TRIO: variants seen among roughly 807,000 people sequenced by gnomAD.
TRIO encodes triple functional domain protein.
In TRIO, 58 loss-of-function variants were observed where a neutral mutation model predicts 351.9. That is an observed-to-expected ratio of 0.16 (90% CI 0.13 to 0.21). The LOEUF (loss-of-function observed/expected upper bound fraction) is 0.21. Among genes scored for constraint, TRIO ranks in the 10% least tolerant of loss-of-function variants. The probability of loss-of-function intolerance (pLI) is 1.00; values close to 1 mark genes in which losing one functional copy is unlikely to be tolerated. For synonymous variants in TRIO, 1,758 were observed against 1,595.7 expected (o/e 1.10, Z -2.42); for missense variants, 3,201 against 4,027.8 (o/e 0.79, Z 5.56).
intron 6 of TRIO, among the ~76,000 whole-genome samples, chr5:14,294,514 A>G (rs1737179083): frequency 6.6e-6 from 1 of 152,180 alleles, no homozygotes; most frequent in South Asian, 2.1e-4. Context: ...TACTTTAAAA[A>G]CTAGAAATAC....
chr5:14,476,285 T>C (rs1755069023), intron 40 of TRIO, among the ~76,000 whole-genome samples: 1 of 152,242 alleles, frequency 6.6e-6, no homozygotes, highest in South Asian at 2.1e-4. Flanking sequence ...TTAGCACTTG[T>C]GTCCTTGAAC....
intron 1 of TRIO, among the ~76,000 whole-genome samples, chr5:14,217,450 C>T (rs1052741394): frequency 6.6e-6 from 1 of 152,128 alleles, no homozygotes; most frequent in South Asian, 2.1e-4. Context: ...TTTCTTCTCC[C>T]TCGTGCTGTC....
At chr5:14,311,825 A>G (rs2152302125) in intron 8 of TRIO, among the ~76,000 whole-genome samples, 1 of 152,306 alleles carries the variant, frequency 6.6e-6, no homozygotes, top group South Asian at 2.1e-4. Context: ...AGTGCAATTC[A>G]TTTCATAAAA....
At chr5:14,251,069 G>A (rs1295329196) in intron 1 of TRIO, among the ~76,000 whole-genome samples, 3 of 152,126 alleles carry the variant, frequency 2.0e-5, no homozygotes, top group Non-Finnish European at 4.4e-5. Flanking sequence ...ATTTGGGGTA[G>A]GGGGTGTGAG....
At chr5:14,420,251 G>A (rs1437035667) in intron 34 of TRIO, 2 of 597,374 alleles carry the variant, frequency 3.3e-6, no homozygotes, top group Non-Finnish European at 5.7e-6. Flanking sequence ...TTCCAGGGCG[G>A]TGTAGTGAGA....
chr5:14,433,308 C>A (rs1235655160), intron 34 of TRIO, among the ~76,000 whole-genome samples: 1 of 152,216 alleles, frequency 6.6e-6, no homozygotes, highest in African/African-American at 2.4e-5. Flanking sequence ...TGCTAGAAAG[C>A]AGCAGGAACT....
At chr5:14,188,557 T>G (rs1302613994) in intron 1 of TRIO, among the ~76,000 whole-genome samples, 3 of 152,250 alleles carry the variant, frequency 2.0e-5, no homozygotes, top group Non-Finnish European at 4.4e-5. Flanking sequence ...CAATGCCTTA[T>G]ACATACTAAA....
At chr5:14,437,194 A>AT (rs1431595389) in intron 34 of TRIO, among the ~76,000 whole-genome samples, 7 of 152,006 alleles carry the variant, frequency 4.6e-5, no homozygotes, top group East Asian at 1.9e-4. Context: ...TGGATATTGA[A>AT]TTTTTTACTA....
intron 1 of TRIO, among the ~76,000 whole-genome samples, chr5:14,210,885 C>A (rs1014720866): frequency 6.6e-6 from 1 of 151,966 alleles, no homozygotes; most frequent in African/African-American, 2.4e-5. Context: ...CTTGTCCTAC[C>A]CTCCACTCCC....
rs55841211 is a variant in TRIO, at chr5:14,479,320, T to C, written c.6213T>C (p.Ile2071=). 1.9e-6 allele frequency: 3 copies of C among 1,613,692 alleles called. No individual in the cohort carries two copies. The highest frequency in any genetic ancestry group is 1.7e-6 in the Non-Finnish European group (2 of 1,179,862). Residue 2071 remains isoleucine (I), a synonymous_variant, in exon 42 of 57, where the codon ATT becomes ATC. Coordinates refer to ENST00000344204, the MANE Select transcript of TRIO (RefSeq NM_007118.4). ...AAAATAAACCAAAGTCTGAGCACAT[T>C]GTCTCAGAATACATTGATACCTTTT... is the stretch of plus-strand genomic sequence containing the variant. ...YCQNKPKSEH[I]VSEYIDTFFE... is the part of the protein sequence containing the mutation.
At chr5:14,244,970 GA>G (rs1486842658) in intron 1 of TRIO, among the ~76,000 whole-genome samples, 3 of 152,176 alleles carry the variant, frequency 2.0e-5, no homozygotes. Context: ...GGCCCAGGGG[GA>G]TGCAGCTCCG....
intron 30 of TRIO, among the ~76,000 whole-genome samples, chr5:14,400,230 C>T (rs899231928): frequency 6.6e-6 from 1 of 152,204 alleles, no homozygotes; most frequent in African/African-American, 2.4e-5. Flanking sequence ...TGGCTTTAAT[C>T]TCTCTTTAGA....
chr5:14,455,913 A>G lies in TRIO; in HGVS notation c.5204-5106A>G, dbSNP rs748495099. On this transcript the variant is annotated intron_variant, in intron 34 of 56. Coordinates refer to ENST00000344204, the MANE Select transcript of TRIO (RefSeq NM_007118.4). Reference sequence around the variant, plus strand: ...CACCTGCACTCCTCAGCCCTTGGGCAGTCGATGGGACCGGGCGCTGCGGAG... The same window carrying G: ...CACCTGCACTCCTCAGCCCTTGGGCGGTCGATGGGACCGGGCGCTGCGGAG... 1.8e-3 allele frequency among the ~76,000 whole-genome samples: 274 copies of G among 152,382 alleles called. 1 individual carries two copies. The highest frequency in any genetic ancestry group is 3.4e-3 in the Middle Eastern group (1 of 294).
rs1561315243 is a variant in TRIO at position 14,304,442 on chromosome 5, C to T, written c.1369-19C>T. ...ATAAATTGTCATTGATAGAAATAATCTTTTTTTAACCTTCCAAGTATATGA... is the reference window on the plus strand; with the variant it reads ...ATAAATTGTCATTGATAGAAATAATTTTTTTTTAACCTTCCAAGTATATGA... On this transcript the variant is annotated intron_variant, in intron 7 of 56. Transcript: ENST00000344204. 2 of 1,589,756 alleles carry T rather than the reference C, an allele frequency of 1.3e-6. No individual in the cohort carries two copies. Among genetic ancestry groups the T allele is most frequent in the Non-Finnish European group, 1.7e-6 (2 of 1,173,430 alleles).
chr5:14,365,163 T>G (rs1744487759), intron 15 of TRIO, among the ~76,000 whole-genome samples: 1 of 152,208 alleles, frequency 6.6e-6, no homozygotes, highest in African/African-American at 2.4e-5. Flanking sequence ...TGCCCAGTAC[T>G]GTTAGGATCT....
rs1446247668 is a variant in TRIO at position 14,507,211 on chromosome 5, A to G, written c.8702A>G (p.Glu2901Gly). 6.2e-7 allele frequency: 1 copy of G among 1,611,836 alleles called. No homozygotes were observed. Among genetic ancestry groups the G allele is most frequent in the African/African-American group, 1.3e-5 (1 of 74,832 alleles). Residue 2901 changes from glutamate to glycine, a missense_variant, in exon 56 of 57, where the codon GAA becomes GGA. By Grantham distance (98) the Glu-to-Gly change is moderately conservative. Transcript: ENST00000344204. ...AGGGCGCACCTGGGGGAGGTTCTGG[A>G]AGCTGTCCGGTACCTGCACAACTGC... is the stretch of plus-strand genomic sequence containing the variant. ...KIRAHLGEVL[E>G]AVRYLHNCRI...
chr5:14,370,085 T>G (rs1420241466), intron 18 of TRIO, among the ~76,000 whole-genome samples: 1 of 152,152 alleles, frequency 6.6e-6, no homozygotes, highest in Non-Finnish European at 1.5e-5. Flanking sequence ...ATGAGGAATT[T>G]TTCAAGACTG....
At chr5:14,194,285 A>G (rs1225746696) in intron 1 of TRIO, among the ~76,000 whole-genome samples, 1 of 152,140 alleles carries the variant, frequency 6.6e-6, no homozygotes, top group Admixed American at 6.5e-5. Flanking sequence ...GTGGGAGTAG[A>G]TTGTTTTCTT....
chr5:14,504,951 A>C (rs1757558745), intron 55 of TRIO, among the ~76,000 whole-genome samples: 1 of 151,258 alleles, frequency 6.6e-6, no homozygotes, highest in African/African-American at 2.4e-5. Context: ...GGCTGACCTG[A>C]TACCCCAAGC....
Sources: gnomAD v4.1 joint callset for allele counts (sites outside exome capture counted in the v4.1 genomes callset) on GRCh38, gnomAD v4.1.1 for gene constraint, MANE v1.5 for transcripts, NCBI Gene and HGNC (gene_info 2026-07-23, HGNC 2026-07-21) for gene names.